Variants in NMNAT1 observed in about 807,000 individuals in gnomAD.
NMNAT1 encodes the protein nicotinamide nucleotide adenylyltransferase 1, also known as nicotinamide/nicotinic acid mononucleotide adenylyltransferase 1.
NMNAT1 carries 11 observed loss-of-function variants against 16.7 expected under a neutral mutation model. The ratio of observed to expected loss-of-function variants is 0.66; its 90% CI spans 0.41 to 1.09. The LOEUF (loss-of-function observed/expected upper bound fraction) is 1.09. Ranked by LOEUF, NMNAT1 falls within the 50% of genes least tolerant of loss-of-function variation. The pLI, the probability that NMNAT1 is intolerant of heterozygous loss-of-function variation, is 0.00. For missense variants in NMNAT1, 280 were observed against 332.3 expected (o/e 0.84, Z 1.22); for synonymous variants, 110 against 119.8 (o/e 0.92, Z 0.53).
chr1:9,953,253 A>C (rs1641160587), intron 1 of NMNAT1, among the ~76,000 whole-genome samples: 1 of 149,448 alleles, frequency 6.7e-6, no homozygotes, highest in African/African-American at 2.5e-5. Context: ...AAATGGGATT[A>C]CAGGTGTGAG....
chr1:9,965,601 C>T (rs1641524814), intron 1 of NMNAT1, among the ~76,000 whole-genome samples: 1 of 151,838 alleles, frequency 6.6e-6, no homozygotes, highest in Non-Finnish European at 1.5e-5. Context: ...TGGGGTTTCA[C>T]CATGTTGGTC....
At chr1:9,977,945 A>G (rs1040300210) in intron 3 of NMNAT1, among the ~76,000 whole-genome samples, 2 of 152,176 alleles carry the variant, frequency 1.3e-5, no homozygotes, top group East Asian at 1.9e-4. Flanking sequence ...CAACAAACCA[A>G]TTCCGCTTCT....
chr1:9,993,853 T>G, the NMNAT1 span, among the ~76,000 whole-genome samples: 3 of 152,106 alleles, frequency 2.0e-5, no homozygotes, highest in Non-Finnish European at 4.4e-5. Context: ...CTTAGCTGCG[T>G]CAAGTTTCAG....
intron 3 of NMNAT1, among the ~76,000 whole-genome samples, chr1:9,976,898 ATTTCT>A (rs1416087828): frequency 1.5e-5 from 2 of 137,916 alleles, no homozygotes; most frequent in Non-Finnish European, 3.1e-5. Flanking sequence ...ACACCTAATT[ATTTCT>A]TTTCTTTTCT....
chr1:9,974,718 C>T (rs1258436418), intron 2 of NMNAT1, among the ~76,000 whole-genome samples: 2 of 151,780 alleles, frequency 1.3e-5, no homozygotes, highest in Non-Finnish European at 2.9e-5. Flanking sequence ...GAAACTGGGT[C>T]CCACTGTTTT....
chr1:9,980,496 C>T (rs2101711950), intron 3 of NMNAT1, among the ~76,000 whole-genome samples: 1 of 150,600 alleles, frequency 6.6e-6, no homozygotes, highest in South Asian at 2.1e-4. Flanking sequence ...GGTGGTGCGC[C>T]CCTGTAATCC....
Position 9,982,495 on chromosome 1 carries a change from G to C in NMNAT1, c.634G>C (p.Val212Leu). 2 of 1,613,900 alleles carry C rather than the reference G, an allele frequency of 1.2e-6. No individual in the cohort carries two copies. The highest frequency in any genetic ancestry group is 1.7e-6 in the Non-Finnish European group (2 of 1,179,822). Reference protein sequence around the residue: ...VLWKHRSNIHVVNEWIANDIS... With the variant: ...VLWKHRSNIHLVNEWIANDIS... Reference sequence around the variant, plus strand: ...GTGGAAACACCGGAGCAACATTCACGTGGTGAATGAATGGATCGCTAATGA... The same window carrying C: ...GTGGAAACACCGGAGCAACATTCACCTGGTGAATGAATGGATCGCTAATGA... Residue 212 changes from valine (V) to leucine (L), a missense_variant, in exon 5 of 5, where the codon GTG becomes CTG. Transcript: ENST00000377205.
At chr1:9,995,440 TC>T in the NMNAT1 span, among the ~76,000 whole-genome samples, 4 of 151,138 alleles carry the variant, frequency 2.6e-5, no homozygotes, top group East Asian at 7.9e-4. Flanking sequence ...TGCCTGTAAT[TC>T]CAGCACTTTG....
chr1:9,981,202 G>A, intron 4 of NMNAT1, 32 bp downstream of exon 4: 1 of 1,586,982 alleles, frequency 6.3e-7, no homozygotes. Flanking sequence ...CCACGGACTA[G>A]AGTTGATAAG....
intron 4 of NMNAT1, chr1:9,981,559 TG>T: frequency 5.9e-6 from 1 of 169,862 alleles, no homozygotes; most frequent in Middle Eastern, 2.9e-3. Context: ...TTTATAGAGA[TG>T]GGGTCTCACT....
intron 4 of NMNAT1, chr1:9,981,636 G>GCCTTGGCCACC: frequency 6.4e-6 from 1 of 157,166 alleles, no homozygotes; most frequent in East Asian, 1.9e-4. Context: ...CTCCCAAAGT[G>GCCTTGGCCACC]TTAGGATTAC....
At chr1:9,981,515 G>A (rs758070363) in intron 4 of NMNAT1, 107 of 197,878 alleles carry the variant, frequency 5.4e-4, no homozygotes, top group Admixed American at 1.3e-3. Context: ...GATTACAGGC[G>A]TGAGCCACAG....
intron 1 of NMNAT1, among the ~76,000 whole-genome samples, chr1:9,948,690 C>T (rs1044300887): frequency 6.6e-6 from 1 of 151,028 alleles, no homozygotes; most frequent in African/African-American, 2.4e-5. Flanking sequence ...ACTCTTGTTG[C>T]CTAGGCTGGA....
At chr1:9,947,634 GT>G (rs1187507640) in intron 1 of NMNAT1, 1 of 152,218 alleles carries the variant, frequency 6.6e-6, no homozygotes, top group African/African-American at 2.4e-5. Context: ...AGGTAATACT[GT>G]TCTTTTAGCT....
intron 3 of NMNAT1, among the ~76,000 whole-genome samples, chr1:9,979,958 T>G (rs1641904998): frequency 1.3e-5 from 2 of 151,106 alleles, no homozygotes; most frequent in African/African-American, 4.9e-5. Context: ...TGAGGCGGAG[T>G]TTTGCTCTTG....
At chr1:9,944,807 G>A (rs895029425) in intron 1 of NMNAT1, among the ~76,000 whole-genome samples, 7 of 152,212 alleles carry the variant, frequency 4.6e-5, no homozygotes, top group African/African-American at 1.7e-4. Context: ...ATTACCATCA[G>A]TTGTTTTTCA....
At chr1:9,960,537 G>A (rs986352285) in intron 1 of NMNAT1, among the ~76,000 whole-genome samples, 2 of 151,994 alleles carry the variant, frequency 1.3e-5, no homozygotes, top group Admixed American at 1.3e-4. Context: ...TAACTACCCA[G>A]GCCAAAACGC....
At chr1:9,989,538 TG>T, downstream of NMNAT1, among the ~76,000 whole-genome samples, 1 of 151,662 alleles carries the variant, frequency 6.6e-6, no homozygotes, top group East Asian at 1.9e-4. Flanking sequence ...CAGAAATAAG[TG>T]GCTTGACTTC....
intron 1 of NMNAT1, among the ~76,000 whole-genome samples, chr1:9,969,343 G>A (rs1570701263): frequency 6.6e-6 from 1 of 152,170 alleles, no homozygotes; most frequent in African/African-American, 2.4e-5. Context: ...AGGGCTCTTG[G>A]AAATTAAGAG....
Sources: gnomAD v4.1 joint callset for allele counts (sites outside exome capture counted in the v4.1 genomes callset) on GRCh38, gnomAD v4.1.1 for gene constraint, MANE v1.5 for transcripts, NCBI Gene and HGNC (gene_info 2026-07-23, HGNC 2026-07-21) for gene names.